The following MS4A6A variants were observed in gnomAD, a reference collection of about 807,000 sequenced individuals.
MS4A6A encodes the protein membrane-spanning 4-domains subfamily A member 6A.
Under a neutral mutation model 20.6 loss-of-function variants are expected in MS4A6A, and 19 were observed. The observed-to-expected ratio is 0.92, with a 90% CI of 0.64 to 1.36. The LOEUF (loss-of-function observed/expected upper bound fraction) is 1.36. MS4A6A is among the 40% of genes most tolerant of loss of function. The pLI is 0.00. For synonymous variants in MS4A6A, 108 were observed against 105.0 expected (o/e 1.03, Z -0.17); for missense variants, 272 against 261.1 (o/e 1.04, Z -0.29).
chr11:60,179,781 T>C (rs757973221), intron 3 of MS4A6A, 50 bp downstream of exon 3: 4 of 1,610,900 alleles, frequency 2.5e-6, no homozygotes, highest in Non-Finnish European at 3.4e-6. Flanking sequence ...GCTATTGGCA[T>C]CTTCCTCCCC....
intron 2 of MS4A6A, chr11:60,180,711 C>A (rs1857091969): frequency 4.4e-6 from 1 of 227,116 alleles, no homozygotes; most frequent in Non-Finnish European, 8.9e-6. Flanking sequence ...GTGTTCTCAT[C>A]ATTTAGAGGC....
Position 60,172,743 on chromosome 11 carries a change from C to G in MS4A6A, c.*258G>C. On this transcript the variant is annotated 3_prime_UTR_variant, in exon 6 of 6. Transcript: ENST00000528851. Reference sequence around the variant, plus strand: ...ACTCATAGCATAATGCCAGGCCAGTCATTTAACTTCCCAGAGTCTCATTCC... The same window carrying G: ...ACTCATAGCATAATGCCAGGCCAGTGATTTAACTTCCCAGAGTCTCATTCC... 3.2e-6 allele frequency: 4 copies of G among 1,259,374 alleles called. No individual in the cohort carries two copies. Among genetic ancestry groups the G allele is most frequent in the Non-Finnish European group, 4.0e-6 (4 of 988,390 alleles). The allele number at this position is 1,259,374 out of a possible 1,614,324, so 78.0% of individuals were successfully genotyped here.
rs1299248479 is a variant in MS4A6A, at chr11:60,172,988, AC to A, written c.*12del. The A allele has an allele frequency of 6.2e-7, 1 of 1,613,818 alleles. No individual in the cohort carries two copies. The highest frequency in any genetic ancestry group is 8.5e-7 in the Non-Finnish European group (1 of 1,179,796). ...ACTCAACACAGTGCAGGGATAAGATACACTAGGCAAGGTTAAGTGAAGCCGG... is the reference window on the plus strand; with the variant it reads ...ACTCAACACAGTGCAGGGATAAGATAACTAGGCAAGGTTAAGTGAAGCCGG... On this transcript the variant is annotated 3_prime_UTR_variant, in exon 6 of 6. Coordinates refer to ENST00000528851, the MANE Select transcript of MS4A6A (RefSeq NM_022349.4).
chr11:60,171,988 G>A, downstream of MS4A6A: 1 of 561,550 alleles, frequency 1.8e-6, no homozygotes, highest in Non-Finnish European at 2.9e-6. Context: ...CAAATCAAGA[G>A]ATCCCCAATG....
chr11:60,182,811 A>G, intron 1 of MS4A6A, 167 bp downstream of exon 1: 1 of 210,350 alleles, frequency 4.8e-6, no homozygotes, highest in Non-Finnish European at 9.3e-6. Context: ...ATTAGAATAC[A>G]GCGGACACAG....
intron 3 of MS4A6A, among the ~76,000 whole-genome samples, chr11:60,179,194 A>G (rs924862715): frequency 1.3e-5 from 2 of 152,224 alleles, no homozygotes; most frequent in Non-Finnish European, 2.9e-5. Flanking sequence ...AGGAAAAAAC[A>G]TCTATGAAAG....
chr11:60,173,145 T>G lies in MS4A6A; in HGVS notation c.550-16A>C. Reference sequence around the variant, plus strand: ...AGAGAGTTCCCTGAAAGTCAAGAAATAAAAGATTGATGTTGCTTAGGTCAG... The same window carrying G: ...AGAGAGTTCCCTGAAAGTCAAGAAAGAAAAGATTGATGTTGCTTAGGTCAG... On this transcript the variant is annotated splice_polypyrimidine_tract_variant and intron_variant, in intron 5 of 5. Coordinates refer to ENST00000528851, the MANE Select transcript of MS4A6A (RefSeq NM_022349.4). The G allele has an allele frequency of 6.2e-7, 1 of 1,611,388 alleles. No individual in the cohort carries two copies. Among genetic ancestry groups the G allele is most frequent in the South Asian group, 1.1e-5 (1 of 91,006 alleles).
At chr11:60,172,469 G>T, downstream of MS4A6A, 2 of 1,262,190 alleles carry the variant, frequency 1.6e-6, no homozygotes, top group Non-Finnish European at 2.0e-6. Flanking sequence ...TTTTAATTCA[G>T]TTAAATAAAG....
intron 1 of MS4A6A, 46 bp downstream of exon 1, chr11:60,182,932 C>T (rs903979938): frequency 6.6e-5 from 82 of 1,238,360 alleles, no homozygotes; most frequent in Middle Eastern, 2.1e-4. Flanking sequence ...AATGAGGTCA[C>T]GGCAAGGGAA....
chr11:60,171,857 TTTTCTGGGAAATG>T (rs1856602154), downstream of MS4A6A, among the ~76,000 whole-genome samples: 1 of 152,188 alleles, frequency 6.6e-6, no homozygotes, highest in South Asian at 2.1e-4. Flanking sequence ...CTGGGAAACA[TTTTCTGGGAAATG>T]TTTCTGGGAA....
At position 60,175,292 on chromosome 11, in the gene MS4A6A, C is replaced by G. The variant is rs377620296; in HGVS notation, c.549+110G>C. The G allele has an allele frequency of 7.9e-6, 7 of 882,454 alleles. No individual in the cohort carries two copies. The African/African-American group carries it at 1.2e-4, about 15-fold the overall frequency. 54.7% of individuals were successfully genotyped at this position (882,454 alleles called of 1,614,324 possible). ...GATTTACATAAACCTGGCTTTCCCC[C>G]AGATGCCCAAACCAGAACCAATAGA... is the stretch of plus-strand genomic sequence containing the variant. On this transcript the variant is annotated intron_variant, in intron 5 of 5. Transcript: ENST00000528851.
intron 2 of MS4A6A, chr11:60,181,156 A>T (rs1857115492): frequency 2.4e-6 from 1 of 411,560 alleles, no homozygotes; most frequent in African/African-American, 2.1e-5. Flanking sequence ...CAAAAACGTT[A>T]GGAGAAAAGA....
chr11:60,172,686 G>A lies in MS4A6A; in HGVS notation c.*315C>T. Reference sequence around the variant, plus strand: ...TTGTTTCTGCTTATAAGGGAGGCAAGCCAGGTTCTAGTGTCCTCAGCAAAG... The same window carrying A: ...TTGTTTCTGCTTATAAGGGAGGCAAACCAGGTTCTAGTGTCCTCAGCAAAG... On this transcript the variant is annotated 3_prime_UTR_variant, in exon 6 of 6. Coordinates refer to ENST00000528851, the MANE Select transcript of MS4A6A (RefSeq NM_022349.4). The A allele has an allele frequency of 1.7e-6, 2 of 1,181,578 alleles. No homozygotes were observed. The highest frequency in any genetic ancestry group is 2.1e-6 in the Non-Finnish European group (2 of 944,458). The allele number at this position is 1,181,578 out of a possible 1,614,324, so 73.2% of individuals were successfully genotyped here.
At chr11:60,171,856 A>T (rs537693865), downstream of MS4A6A, among the ~76,000 whole-genome samples, 118 of 152,156 alleles carry the variant, frequency 7.8e-4, 1 homozygote, top group Non-Finnish European at 8.5e-4. Context: ...TCTGGGAAAC[A>T]TTTTCTGGGA....
intron 4 of MS4A6A, 83 bp downstream of exon 4, chr11:60,178,177 A>G (rs1565101329): frequency 7.6e-7 from 1 of 1,312,816 alleles, no homozygotes; most frequent in Non-Finnish European, 1.1e-6. Context: ...TCAACTTTTC[A>G]AAGTAGAAAG....
downstream of MS4A6A, chr11:60,172,089 T>A: frequency 6.7e-7 from 1 of 1,483,994 alleles, no homozygotes; most frequent in Non-Finnish European, 9.2e-7. Context: ...GCTTTGCTTT[T>A]CTATAATGGT....
intron 3 of MS4A6A, 71 bp from the exon 4 acceptor site, chr11:60,178,387 T>C: frequency 8.1e-7 from 1 of 1,235,700 alleles, no homozygotes; most frequent in Non-Finnish European, 1.2e-6. Context: ...TATCACAATG[T>C]TTATAGACAA....
At chr11:60,179,776 T>A in intron 3 of MS4A6A, 55 bp downstream of exon 3, 1 of 1,604,130 alleles carries the variant, frequency 6.2e-7, no homozygotes, top group Middle Eastern at 1.7e-4. Context: ...TCTAAGCTAT[T>A]GGCATCTTCC....
intron 2 of MS4A6A, 92 bp downstream of exon 2, chr11:60,181,489 C>CCA: frequency 2.6e-6 from 4 of 1,531,050 alleles, no homozygotes; most frequent in Non-Finnish European, 3.5e-6. Context: ...TTTAGGGTCT[C>CCA]CACACTCACG....
Sources: gnomAD v4.1 joint callset for allele counts (sites outside exome capture counted in the v4.1 genomes callset) on GRCh38, gnomAD v4.1.1 for gene constraint, MANE v1.5 for transcripts, NCBI Gene and HGNC (gene_info 2026-07-23, HGNC 2026-07-21) for gene names.